SUGCT: variants seen among roughly 807,000 people sequenced by gnomAD.
SUGCT encodes succinyl-CoA:glutarate CoA-transferase.
A neutral mutation model predicts 55.0 loss-of-function variants in SUGCT; 41 were observed. The observed-to-expected ratio is 0.74, with a 90% CI of 0.58 to 0.97. The LOEUF is 0.97. Ranked by LOEUF, SUGCT falls within the 50% of genes least tolerant of loss-of-function variation. The pLI, the probability that SUGCT is intolerant of heterozygous loss-of-function variation, is 0.00. For missense variants in SUGCT, 568 were observed against 547.8 expected (o/e 1.04, Z -0.37); for synonymous variants, 187 against 200.4 (o/e 0.93, Z 0.56).
chr7:40,439,449 T>C (rs1026286591), intron 9 of SUGCT, among the ~76,000 whole-genome samples: 6 of 152,024 alleles, frequency 3.9e-5, no homozygotes, highest in African/African-American at 1.4e-4. Context: ...CCTACACATA[T>C]ATCTTTTTGT....
intron 9 of SUGCT, among the ~76,000 whole-genome samples, chr7:40,371,960 ACAC>A: frequency 6.6e-6 from 1 of 152,068 alleles, no homozygotes; most frequent in South Asian, 2.1e-4. Context: ...ACACACACAC[ACAC>A]ACACACACAT....
intron 12 of SUGCT, among the ~76,000 whole-genome samples, chr7:40,695,111 A>G (rs1784861838): frequency 6.6e-6 from 1 of 152,158 alleles, no homozygotes; most frequent in Non-Finnish European, 1.5e-5. Flanking sequence ...AAGATGCCTT[A>G]GACTTTCACC....
chr7:40,832,160 A>G (rs1792705651), intron 13 of SUGCT, among the ~76,000 whole-genome samples: 1 of 152,108 alleles, frequency 6.6e-6, no homozygotes, highest in Non-Finnish European at 1.5e-5. Flanking sequence ...AGCACTCATG[A>G]GATAGGTGGT....
At chr7:40,978,841 G>C in the SUGCT span, among the ~76,000 whole-genome samples, 1 of 152,178 alleles carries the variant, frequency 6.6e-6, no homozygotes, top group African/African-American at 2.4e-5. Context: ...AAATGTGTAT[G>C]ACACAGGTTA....
At chr7:40,887,451 T>C in the SUGCT span, among the ~76,000 whole-genome samples, 1 of 152,138 alleles carries the variant, frequency 6.6e-6, no homozygotes, top group Non-Finnish European at 1.5e-5. Context: ...AAAATGTCTT[T>C]TTAACATAGA....
intron 9 of SUGCT, among the ~76,000 whole-genome samples, chr7:40,408,804 A>C (rs1423994692): frequency 1.3e-5 from 2 of 152,166 alleles, no homozygotes; most frequent in Non-Finnish European, 2.9e-5. Flanking sequence ...AAAGATAAGT[A>C]GTGTGGGCCC....
At chr7:40,515,933 A>G in intron 12 of SUGCT, among the ~76,000 whole-genome samples, 1 of 152,262 alleles carries the variant, frequency 6.6e-6, no homozygotes, top group East Asian at 1.9e-4. Context: ...CAAATCCACC[A>G]GCAATGTGTG....
At chr7:40,683,907 C>A in intron 12 of SUGCT, 1 of 1,131,496 alleles carries the variant, frequency 8.8e-7, no homozygotes, top group African/African-American at 1.6e-5. Context: ...TAGGTCTCAC[C>A]AGGCTAAAAT....
intron 7 of SUGCT, among the ~76,000 whole-genome samples, chr7:40,273,485 A>G (rs1167537486): frequency 1.3e-5 from 2 of 152,212 alleles, no homozygotes; most frequent in South Asian, 2.1e-4. Flanking sequence ...AGGTAGTGAC[A>G]AGTAGAAACT....
chr7:41,038,019 C>A, the SUGCT span, among the ~76,000 whole-genome samples: 15 of 152,078 alleles, frequency 9.9e-5, no homozygotes. Flanking sequence ...ACATACACAC[C>A]CTGCAAGCGG....
intron 12 of SUGCT, among the ~76,000 whole-genome samples, chr7:40,706,740 A>G (rs1785429917): frequency 1.3e-5 from 2 of 152,216 alleles, no homozygotes; most frequent in Admixed American, 6.5e-5. Flanking sequence ...TCCAGCGAGC[A>G]GCTATCTCTA....
chr7:40,167,698 T>C (rs1250050369), intron 1 of SUGCT, among the ~76,000 whole-genome samples: 2 of 152,170 alleles, frequency 1.3e-5, no homozygotes, highest in African/African-American at 2.4e-5. Context: ...CACTTAGCAA[T>C]GCAGGAACAA....
intron 9 of SUGCT, among the ~76,000 whole-genome samples, chr7:40,340,347 C>T (rs1053152895): frequency 6.6e-6 from 1 of 151,910 alleles, no homozygotes. Flanking sequence ...TTCACTTAAC[C>T]TTCTAAAGGG....
chr7:40,886,027 T>G, the SUGCT span, among the ~76,000 whole-genome samples: 1 of 152,200 alleles, frequency 6.6e-6, no homozygotes, highest in African/African-American at 2.4e-5. Flanking sequence ...ATTAACAGTG[T>G]GTGGCCTGGA....
intron 9 of SUGCT, among the ~76,000 whole-genome samples, chr7:40,323,704 T>C (rs1335697843): frequency 6.6e-6 from 1 of 152,222 alleles, no homozygotes; most frequent in Non-Finnish European, 1.5e-5. Flanking sequence ...TAGACTGTTA[T>C]TATCAATGAC....
At chr7:40,352,679 T>C (rs994295243) in intron 9 of SUGCT, among the ~76,000 whole-genome samples, 5 of 152,214 alleles carry the variant, frequency 3.3e-5, no homozygotes, top group South Asian at 4.1e-4. Flanking sequence ...CAGTCTACCA[T>C]TGATGGGCAT....
chr7:40,574,422 GTTGT>G (rs1365858680), intron 12 of SUGCT, among the ~76,000 whole-genome samples: 1 of 151,440 alleles, frequency 6.6e-6, no homozygotes, highest in Non-Finnish European at 1.5e-5. Context: ...TAGTTTTGTT[GTTGT>G]TTGTTTTGTT....
chr7:40,830,805 G>A (rs1021383353), intron 13 of SUGCT, among the ~76,000 whole-genome samples: 2 of 152,170 alleles, frequency 1.3e-5, no homozygotes, highest in African/African-American at 2.4e-5. Flanking sequence ...ACAGTAACTC[G>A]GAGAGTGTGC....
chr7:41,005,931 C>A, the SUGCT span, among the ~76,000 whole-genome samples: 1 of 152,200 alleles, frequency 6.6e-6, no homozygotes, highest in Non-Finnish European at 1.5e-5. Flanking sequence ...CAGACTGCAA[C>A]GTTCATTCAC....
Sources: allele counts gnomAD v4.1 joint callset (sites outside exome capture counted in the v4.1 genomes callset), GRCh38; gene constraint gnomAD v4.1.1; transcripts MANE v1.5; gene names NCBI Gene and HGNC (gene_info 2026-07-23, HGNC 2026-07-21).